Variants in DTNB observed in about 807,000 individuals in gnomAD.
The protein encoded by DTNB is DTN-B.
Under a neutral mutation model 90.7 loss-of-function variants are expected in DTNB, and 63 were observed. That is an observed-to-expected ratio of 0.69 (90% CI 0.57 to 0.86). DTNB has a LOEUF of 0.86. Ranked by LOEUF, DTNB falls within the 40% of genes least tolerant of loss-of-function variation. The pLI is 0.00. For synonymous variants in DTNB, 277 were observed against 286.7 expected (o/e 0.97, Z 0.34); for missense variants, 744 against 807.1 (o/e 0.92, Z 0.95).
At chr2:25,600,242 C>G (rs2065582117) in intron 5 of DTNB, among the ~76,000 whole-genome samples, 1 of 152,268 alleles carries the variant, frequency 6.6e-6, no homozygotes, top group Non-Finnish European at 1.5e-5. Context: ...ACTAGCTGAG[C>G]CCGACTGCTG....
At chr2:25,457,463 T>C (rs1274238474) in intron 10 of DTNB, among the ~76,000 whole-genome samples, 1 of 152,212 alleles carries the variant, frequency 6.6e-6, no homozygotes, top group Non-Finnish European at 1.5e-5. Context: ...CTAGGCCTTC[T>C]CAGTGGAAAA....
chr2:25,636,669 C>T (rs1335972415), intron 3 of DTNB, among the ~76,000 whole-genome samples: 1 of 152,166 alleles, frequency 6.6e-6, no homozygotes, highest in Non-Finnish European at 1.5e-5. Context: ...ATCATGTACA[C>T]ACACAAACAC....
At chr2:25,520,955 G>A (rs1227152186) in intron 9 of DTNB, among the ~76,000 whole-genome samples, 1 of 152,140 alleles carries the variant, frequency 6.6e-6, no homozygotes, top group East Asian at 1.9e-4. Flanking sequence ...GATGCAATGT[G>A]CGGAGAAAAT....
chr2:25,629,245 A>G (rs1015195774), intron 3 of DTNB, among the ~76,000 whole-genome samples: 1 of 152,208 alleles, frequency 6.6e-6, no homozygotes, highest in African/African-American at 2.4e-5. Flanking sequence ...AACTTTCAAG[A>G]AAAAAGGTTC....
intron 8 of DTNB, among the ~76,000 whole-genome samples, chr2:25,556,170 CT>C (rs60714399): frequency 4.6e-3 from 484 of 105,544 alleles, no homozygotes; most frequent in East Asian, 0.011. Flanking sequence ...GGCCATCTCT[CT>C]TTTTTTTTTT....
In DTNB at chr2:25,383,899, C is replaced by CA. The variant is rs1313486909; in HGVS notation, c.1826-11dup. On this transcript the variant is annotated splice_polypyrimidine_tract_variant and intron_variant, in intron 18 of 20. Transcript: ENST00000406818. ...TCTGCACCTTCCTCTGCTGTGAAAA[C>CA]AAGTCCAAGGAGGCCAGTGACCCTT... 4.3e-6 allele frequency: 7 copies of CA among 1,614,066 alleles called. No individual in the cohort carries two copies. Among genetic ancestry groups the CA allele is most frequent in the Non-Finnish European group, 1.7e-6 (2 of 1,179,902 alleles).
At chr2:25,498,791 G>A (rs1393476049) in intron 9 of DTNB, among the ~76,000 whole-genome samples, 4 of 144,508 alleles carry the variant, frequency 2.8e-5, no homozygotes, top group Admixed American at 7.1e-5. Context: ...GAGGCTGCAG[G>A]GAGCCATGAT....
chr2:25,662,675 C>A lies in DTNB; in HGVS notation c.-1-10014G>T, dbSNP rs865833595. On this transcript the variant is annotated intron_variant, in intron 1 of 20. Transcript: ENST00000406818. ...ATACACACACACACACACACACACA[C>A]ACACAAACACACACACACACACACA... Among the ~76,000 whole-genome samples, 127 of 74,278 alleles carry A rather than the reference C, an allele frequency of 1.7e-3. 2 individuals are homozygous for A. In the East Asian group the frequency reaches 0.03, roughly 18 times the overall value. The allele number at this position is 74,278 out of a possible 152,430, so 48.7% of individuals were successfully genotyped here.
intron 16 of DTNB, among the ~76,000 whole-genome samples, chr2:25,402,418 T>C (rs2043964790): frequency 6.6e-6 from 1 of 152,222 alleles, no homozygotes; most frequent in Non-Finnish European, 1.5e-5. Flanking sequence ...ACCTGCAAGC[T>C]TAAGTGCTGC....
Position 25,522,081 on chromosome 2 carries a change from T to TA in DTNB, c.1001+9391dup, listed in dbSNP as rs138611076. 9.8e-3 allele frequency among the ~76,000 whole-genome samples: 1,488 copies of TA among 152,372 alleles called. 26 individuals carry two copies. Among genetic ancestry groups the TA allele is most frequent in the African/African-American group, 0.034 (1,415 of 41,586 alleles). On this transcript the variant is annotated intron_variant, in intron 9 of 20. Transcript: ENST00000406818. The stretch of plus-strand genomic sequence containing the variant: ...TGAATTCGGATCACAGGAAGCCTGT[T>TA]AGAGGCATCCAGAGGTAGACGTGGT...
intron 9 of DTNB, among the ~76,000 whole-genome samples, chr2:25,515,868 C>A (rs1482113232): frequency 6.6e-6 from 1 of 152,058 alleles, no homozygotes; most frequent in Non-Finnish European, 1.5e-5. Context: ...TGAGCCACTG[C>A]GCCTGGCTGC....
At chr2:25,412,586 CATAT>C (rs1424780618) in intron 16 of DTNB, among the ~76,000 whole-genome samples, 21 of 152,166 alleles carry the variant, frequency 1.4e-4, no homozygotes, top group African/African-American at 5.1e-4. Context: ...TTCTATTAAA[CATAT>C]ATAAAGTCTT....
At chr2:25,531,962 G>A (rs957940846) in intron 8 of DTNB, among the ~76,000 whole-genome samples, 1 of 152,094 alleles carries the variant, frequency 6.6e-6, no homozygotes, top group African/African-American at 2.4e-5. Flanking sequence ...ACTTTTTGAT[G>A]GAGGCCAGGC....
chr2:25,546,412 G>A (rs970573584), intron 8 of DTNB, among the ~76,000 whole-genome samples: 1 of 152,128 alleles, frequency 6.6e-6, no homozygotes, highest in African/African-American at 2.4e-5. Context: ...TTTTTTCCCA[G>A]AGCCTGGCTG....
At chr2:25,495,247 T>G (rs1385263604) in intron 9 of DTNB, among the ~76,000 whole-genome samples, 1 of 152,082 alleles carries the variant, frequency 6.6e-6, no homozygotes, top group Non-Finnish European at 1.5e-5. Flanking sequence ...GTATTTTTCA[T>G]AGAGTTGGGG....
At chr2:25,616,477 TACAGAATA>T in intron 4 of DTNB, among the ~76,000 whole-genome samples, 1 of 152,074 alleles carries the variant, frequency 6.6e-6, no homozygotes, top group Non-Finnish European at 1.5e-5. Context: ...CATATTCAAA[TACAGAATA>T]ACAGATATAA....
intron 8 of DTNB, among the ~76,000 whole-genome samples, chr2:25,567,763 G>C (rs1361395907): frequency 6.6e-6 from 1 of 152,178 alleles, no homozygotes; most frequent in Non-Finnish European, 1.5e-5. Context: ...TAACTAGATG[G>C]GAATCAGATC....
chr2:25,405,730 C>T (rs1380626573), intron 16 of DTNB, among the ~76,000 whole-genome samples: 1 of 151,870 alleles, frequency 6.6e-6, no homozygotes, highest in African/African-American at 2.4e-5. Flanking sequence ...GAAATATTTA[C>T]TGTCTAATCT....
intron 9 of DTNB, among the ~76,000 whole-genome samples, chr2:25,525,076 C>A (rs1242808404): frequency 6.6e-6 from 1 of 152,056 alleles, no homozygotes; most frequent in Non-Finnish European, 1.5e-5. Context: ...CAATGGAATA[C>A]CATTGGAGAT....
Sources: gnomAD v4.1 joint callset for allele counts (sites outside exome capture counted in the v4.1 genomes callset) on GRCh38, gnomAD v4.1.1 for gene constraint, MANE v1.5 for transcripts, NCBI Gene and HGNC (gene_info 2026-07-23, HGNC 2026-07-21) for gene names.